The following TMEM232 variants were observed in gnomAD, a reference collection of about 807,000 sequenced individuals.
TMEM232 encodes the protein transmembrane protein 232.
Under a neutral mutation model 78.8 loss-of-function variants are expected in TMEM232, and 80 were observed. That is an observed-to-expected ratio of 1.01 (90% confidence interval 0.85 to 1.22). The LOEUF (loss-of-function observed/expected upper bound fraction) is 1.22, where lower values mean the gene tolerates loss of function less well. TMEM232 is among the 50% of genes most tolerant of loss of function. TMEM232 has a pLI of 0.00. For synonymous variants in TMEM232, 297 were observed against 254.3 expected (o/e 1.17, Z -1.60); for missense variants, 881 against 742.2 (o/e 1.19, Z -2.17).
chr5:110,649,729 A>G (rs1012859885), intron 2 of TMEM232, among the ~76,000 whole-genome samples: 3 of 152,164 alleles, frequency 2.0e-5, no homozygotes, highest in Non-Finnish European at 4.4e-5. Context: ...AGGGCCTTAC[A>G]TTCATTTTTA....
chr5:110,668,983 G>T (rs1172401812), intron 1 of TMEM232, among the ~76,000 whole-genome samples: 5 of 152,312 alleles, frequency 3.3e-5, no homozygotes, highest in African/African-American at 1.2e-4. Flanking sequence ...AAAGCAGTGT[G>T]CAGAGGGAAA....
chr5:110,542,436 G>A (rs1773251172), intron 11 of TMEM232, among the ~76,000 whole-genome samples: 1 of 152,048 alleles, frequency 6.6e-6, no homozygotes, highest in Non-Finnish European at 1.5e-5. Flanking sequence ...TCAAGCTTCA[G>A]ATTATCATGT....
At chr5:110,415,715 G>A (rs311702), downstream of TMEM232, among the ~76,000 whole-genome samples, 41,468 of 151,868 alleles carry the variant, frequency 0.27, 9,347 homozygotes, top group African/African-American at 0.61. Flanking sequence ...GAGATTAACC[G>A]ATTGGTTTGT....
chr5:110,445,029 T>G (rs80026659), intron 12 of TMEM232, among the ~76,000 whole-genome samples: 1,979 of 152,136 alleles, frequency 0.013, 36 homozygotes, highest in African/African-American at 0.045. Context: ...TCTTTCTTTC[T>G]TATTCATATA....
chr5:110,505,192 A>C (rs188787462), intron 12 of TMEM232, among the ~76,000 whole-genome samples: 2 of 152,268 alleles, frequency 1.3e-5, no homozygotes, highest in Admixed American at 1.3e-4. Context: ...AACTTGTGAA[A>C]TCTTAATTCC....
Position 110,528,651 on chromosome 5 carries a change from T to G in TMEM232, c.1640A>C (p.Gln547Pro), listed in dbSNP as rs1197603996. The G allele has an allele frequency of 3.3e-6, 5 of 1,534,850 alleles. No individual in the cohort carries two copies. In the Admixed American group the frequency reaches 9.8e-5, roughly 30 times the overall value. ...PLKKPSIKKD[Q>P]TKYPNKKLES... ...CAGCTTTTTATTTGGATATTTTGTTTGATCCTTTTTTATTGATGGTTTCTT... is the reference window on the plus strand; with the variant it reads ...CAGCTTTTTATTTGGATATTTTGTTGGATCCTTTTTTATTGATGGTTTCTT... The change falls in exon 12 of 14, where the codon CAA (glutamine) becomes CCA (proline). Residue 547 changes from glutamine to proline, a missense_variant. By Grantham distance (76) the Gln-to-Pro change is moderately conservative. Coordinates refer to ENST00000455884, the MANE Select transcript of TMEM232 (RefSeq NM_001039763.4).
chr5:110,492,752 CAG>C (rs547242017), intron 12 of TMEM232, among the ~76,000 whole-genome samples: 261 of 152,008 alleles, frequency 1.7e-3, no homozygotes, highest in African/African-American at 5.9e-3. Context: ...CAATACTCTA[CAG>C]AGAGATATTA....
At chr5:110,601,447 A>G (rs1780884755) in intron 10 of TMEM232, among the ~76,000 whole-genome samples, 1 of 152,238 alleles carries the variant, frequency 6.6e-6, no homozygotes, top group African/African-American at 2.4e-5. Context: ...AAACAACTTC[A>G]GCAAAATCTC....
Position 110,641,404 on chromosome 5 carries a change from C to T in TMEM232, c.238-408G>A, listed in dbSNP as rs373222011. On this transcript the variant is annotated intron_variant, in intron 3 of 13. Transcript: ENST00000455884. ...CCCTGGCTACTTCATTGTTGATATA[C>T]GGAAGTTAATGAACTTGAGGGAGAT... is the stretch of plus-strand genomic sequence containing the variant. 5.9e-5 allele frequency among the ~76,000 whole-genome samples: 9 copies of T among 152,124 alleles called. 1 individual carries two copies. Among genetic ancestry groups the T allele is most frequent in the Middle Eastern group, 3.4e-3 (1 of 292 alleles).
rs1050943174 is a variant in TMEM232, at chr5:110,433,210, A to G, written c.1704-8294T>C. 2.6e-5 allele frequency among the ~76,000 whole-genome samples: 4 copies of G among 151,930 alleles called. No individual in the cohort carries two copies. The East Asian group carries it at 5.8e-4, about 22-fold the overall frequency. On this transcript the variant is annotated intron_variant, in intron 12 of 13. Transcript: ENST00000455884. The stretch of plus-strand genomic sequence containing the variant: ...CTGATCTGCATATGGAACATACTCT[A>G]AGACTGACCACATGCTCAATCATAA...
At chr5:110,434,143 C>T (rs1251670019) in intron 12 of TMEM232, among the ~76,000 whole-genome samples, 1 of 149,808 alleles carries the variant, frequency 6.7e-6, no homozygotes, top group African/African-American at 2.5e-5. Context: ...TTGAGACCCC[C>T]CCAAAACATG....
chr5:110,627,022 C>A (rs2149945069), intron 6 of TMEM232, among the ~76,000 whole-genome samples: 1 of 152,172 alleles, frequency 6.6e-6, no homozygotes, highest in South Asian at 2.1e-4. Flanking sequence ...CCCAGGCAGG[C>A]TTCACTTATT....
chr5:110,730,844 C>T (rs1449669056), upstream of TMEM232, among the ~76,000 whole-genome samples: 1 of 152,096 alleles, frequency 6.6e-6, no homozygotes, highest in Non-Finnish European at 1.5e-5. Flanking sequence ...GCCCCTGGCC[C>T]CTCCAAATCT....
chr5:110,719,416 G>A (rs764978521), intron 1 of TMEM232, among the ~76,000 whole-genome samples: 5 of 151,834 alleles, frequency 3.3e-5, no homozygotes, highest in African/African-American at 9.7e-5. Flanking sequence ...TTCTCTGGAC[G>A]TATTTGTAAT....
At chr5:110,391,279 G>A (rs1371268297) in intron 3 of TMEM232, among the ~76,000 whole-genome samples, 1 of 144,144 alleles carries the variant, frequency 6.9e-6, no homozygotes, top group Admixed American at 7.2e-5. Context: ...GAAGTCTGAG[G>A]CTCCCGTTTG....
intron 10 of TMEM232, among the ~76,000 whole-genome samples, chr5:110,599,209 C>A (rs1780574235): frequency 6.6e-6 from 1 of 151,986 alleles, no homozygotes. Context: ...CCAGCCCCTG[C>A]AAAAACATGC....
intron 11 of TMEM232, among the ~76,000 whole-genome samples, chr5:110,559,190 A>C (rs576625778): frequency 6.6e-6 from 1 of 152,290 alleles, no homozygotes; most frequent in Non-Finnish European, 1.5e-5. Context: ...CACAAAAAAA[A>C]TCAATTTCAG....
chr5:110,560,801 G>A (rs1240908410), intron 11 of TMEM232, among the ~76,000 whole-genome samples: 1 of 152,146 alleles, frequency 6.6e-6, no homozygotes, highest in Non-Finnish European at 1.5e-5. Context: ...CAGATCTACA[G>A]TCAGGTGAGC....
intron 12 of TMEM232, among the ~76,000 whole-genome samples, chr5:110,518,447 A>G (rs1769015673): frequency 6.6e-6 from 1 of 152,178 alleles, no homozygotes. Flanking sequence ...CAGGCCACTT[A>G]GAACTGACAT....
Sources: allele counts gnomAD v4.1 joint callset (sites outside exome capture counted in the v4.1 genomes callset), GRCh38; gene constraint gnomAD v4.1.1; transcripts MANE v1.5; gene names NCBI Gene and HGNC (gene_info 2026-07-23, HGNC 2026-07-21).